Variants in TET3 observed in about 807,000 individuals in gnomAD.
The protein encoded by TET3 is methylcytosine dioxygenase TET3.
In TET3, 19 loss-of-function variants were observed where a neutral mutation model predicts 141.4. That is an observed-to-expected ratio of 0.13 (90% CI 0.09 to 0.20). The LOEUF (loss-of-function observed/expected upper bound fraction) is 0.20, where lower values mean the gene tolerates loss of function less well. Among genes scored for constraint, TET3 ranks in the 10% least tolerant of loss-of-function variants. The pLI is 1.00. For missense variants in TET3, 1,874 were observed against 2,356.9 expected (o/e 0.80, Z 4.24); for synonymous variants, 1,043 against 980.9 (o/e 1.06, Z -1.18).
chr2:74,007,114 A>G (rs72905245), intron 3 of TET3, among the ~76,000 whole-genome samples: 6,373 of 152,310 alleles, frequency 0.042, 345 homozygotes, highest in African/African-American at 0.12. Context: ...AGTAAGAGAC[A>G]TTGACTAAAC....
intron 8 of TET3, 45 bp from the exon 9 acceptor site, chr2:74,092,857 C>T: frequency 6.6e-7 from 1 of 1,519,508 alleles, no homozygotes; most frequent in Non-Finnish European, 9.0e-7. Flanking sequence ...GCAGGGTCTG[C>T]CAGGCGGGGC....
chr2:74,034,751 A>T (rs1686938520), intron 3 of TET3, among the ~76,000 whole-genome samples: 1 of 152,034 alleles, frequency 6.6e-6, no homozygotes, highest in African/African-American at 2.4e-5. Flanking sequence ...ATTTCTGTAC[A>T]TGTCTCCTGA....
chr2:74,121,363 T>C, the TET3 span: 2 of 152,026 alleles, frequency 1.3e-5, no homozygotes, highest in East Asian at 1.9e-4. Flanking sequence ...TATGTAGCGA[T>C]TGGGCAACAG....
chr2:74,000,228 C>T (rs554406168), intron 2 of TET3, among the ~76,000 whole-genome samples: 5 of 152,276 alleles, frequency 3.3e-5, no homozygotes, highest in African/African-American at 1.2e-4. Context: ...AGAAGAGGGG[C>T]CTCCACTTCT....
At position 74,087,816 on chromosome 2, in the gene TET3, C is replaced by T. The variant is rs754223823; in HGVS notation, c.2680-14C>T. The T allele has an allele frequency of 6.5e-7, 1 of 1,542,320 alleles. No homozygotes were observed. Among genetic ancestry groups the T allele is most frequent in the Non-Finnish European group, 8.8e-7 (1 of 1,141,136 alleles). ...GTACCTGGCTCCTGCCCCTCACACC[C>T]TGCGTCCCTGCAGGTGATCCGCAGG... On this transcript the variant is annotated splice_polypyrimidine_tract_variant and intron_variant, in intron 6 of 11. Coordinates refer to ENST00000409262, the MANE Select transcript of TET3 (RefSeq NM_001287491.2). This position sits in a 1 kb window ranked among gnomAD's most constrained non-coding sequence, Gnocchi z 4.3.
chr2:74,034,215 A>G (rs1339321570), intron 3 of TET3, among the ~76,000 whole-genome samples: 1 of 150,736 alleles, frequency 6.6e-6, no homozygotes, highest in Non-Finnish European at 1.5e-5. Flanking sequence ...AATAGAATGA[A>G]GCACAATAAA....
intron 3 of TET3, among the ~76,000 whole-genome samples, chr2:74,040,761 C>T (rs1406696031): frequency 6.6e-6 from 1 of 152,078 alleles, no homozygotes; most frequent in Non-Finnish European, 1.5e-5. Flanking sequence ...AAAATAAAAT[C>T]AGCTGGGCAT....
At chr2:74,111,736 GACC>G (rs1279751504), downstream of TET3, among the ~76,000 whole-genome samples, 1 of 152,198 alleles carries the variant, frequency 6.6e-6, no homozygotes, top group Admixed American at 6.5e-5. Flanking sequence ...GCTTGCTCAA[GACC>G]ATCCAGCTAG....
intron 6 of TET3, among the ~76,000 whole-genome samples, chr2:74,085,242 A>G (rs1237512295): frequency 1.3e-5 from 2 of 152,058 alleles, no homozygotes; most frequent in Admixed American, 1.3e-4. Flanking sequence ...CAAAATTGGA[A>G]GAATTAGCCT....
intron 8 of TET3, 99 bp downstream of exon 8, chr2:74,090,146 GCA>G: frequency 4.0e-6 from 6 of 1,514,404 alleles, no homozygotes; most frequent in Non-Finnish European, 5.3e-6. Flanking sequence ...TGACTCAGAT[GCA>G]CAGGAAGTGG....
intron 4 of TET3, among the ~76,000 whole-genome samples, chr2:74,069,736 A>G (rs1689104012): frequency 6.6e-6 from 1 of 151,928 alleles, no homozygotes; most frequent in South Asian, 2.1e-4. Flanking sequence ...ATAGGCACAT[A>G]CCAACAAGCC....
chr2:74,058,633 A>G (rs1047336052), intron 4 of TET3, among the ~76,000 whole-genome samples: 5 of 152,146 alleles, frequency 3.3e-5, no homozygotes, highest in Non-Finnish European at 7.3e-5. Flanking sequence ...TTTTGTATTG[A>G]AATACACATA....
chr2:74,052,240 A>G (rs546664544), intron 4 of TET3, among the ~76,000 whole-genome samples: 76 of 152,274 alleles, frequency 5.0e-4, no homozygotes, highest in Admixed American at 1.0e-3. Flanking sequence ...TCAGCCTCCC[A>G]AAGTGCTAGG....
chr2:74,061,784 C>T (rs1435687040), intron 4 of TET3, among the ~76,000 whole-genome samples: 8 of 106,208 alleles, frequency 7.5e-5, no homozygotes, highest in African/African-American at 3.2e-4. Context: ...CAGACGGGGT[C>T]GCGGCCGGGT....
the TET3 span, among the ~76,000 whole-genome samples, chr2:74,114,993 A>G: frequency 2.0e-5 from 3 of 152,078 alleles, no homozygotes; most frequent in Non-Finnish European, 1.5e-5. Context: ...CCCAAACAAT[A>G]AAACTACTAG....
At position 73,989,870 on chromosome 2, in the gene TET3, T is replaced by C. The variant is rs115288934; in HGVS notation, c.303+3164T>C. On this transcript the variant is annotated intron_variant, in intron 2 of 11. Transcript: ENST00000409262. ...GAACCCAGAGTAAGTGCTGTGCCCT[T>C]ACTCTCTTGGGCAACCAGTGCTCCA... 8.6e-3 allele frequency among the ~76,000 whole-genome samples: 1,312 copies of C among 152,244 alleles called. 19 individuals carry two copies. Among genetic ancestry groups the C allele is most frequent in the African/African-American group, 0.029 (1,211 of 41,536 alleles).
intron 6 of TET3, among the ~76,000 whole-genome samples, chr2:74,082,257 C>G (rs115316741): frequency 6.6e-6 from 1 of 152,116 alleles, no homozygotes. Context: ...GGTCAGGGCT[C>G]GTGTGGCCCC....
Position 74,085,979 on chromosome 2 carries a change from T to G in TET3, c.2680-1851T>G, listed in dbSNP as rs1690132830. Among the ~76,000 whole-genome samples the G allele has an allele frequency of 2.0e-5, 3 of 152,252 alleles. No individual in the cohort carries two copies. The South Asian group carries it at 6.2e-4, about 31-fold the overall frequency. On this transcript the variant is annotated intron_variant, in intron 6 of 11. Transcript: ENST00000409262. ...TGCCATAGTTAGGACTTTATTCATT[T>G]TGCTTGCATTATGTCAATGGTGTTC... is the stretch of plus-strand genomic sequence containing the variant.
chr2:74,018,712 A>G (rs1449974627), intron 3 of TET3, among the ~76,000 whole-genome samples: 4 of 144,610 alleles, frequency 2.8e-5, no homozygotes, highest in African/African-American at 1.0e-4. Context: ...CACCATTTTT[A>G]TATAATACTT....
Sources: allele counts gnomAD v4.1 joint callset (sites outside exome capture counted in the v4.1 genomes callset), GRCh38; gene constraint gnomAD v4.1.1; non-coding constraint Gnocchi (gnomAD v3.1); transcripts MANE v1.5; gene names NCBI Gene and HGNC (gene_info 2026-07-23, HGNC 2026-07-21).